PCDHGB1: variants seen among roughly 807,000 people sequenced by gnomAD.
PCDHGB1 encodes the protein protocadherin gamma subfamily B, 1, also known as protocadherin gamma-B1.
PCDHGB1 carries 34 observed loss-of-function variants against 56.6 expected under a neutral mutation model. The observed-to-expected ratio is 0.60, with a 90% CI of 0.46 to 0.80. The LOEUF (loss-of-function observed/expected upper bound fraction) is 0.80, where lower values mean the gene tolerates loss of function less well. Ranked by LOEUF, PCDHGB1 falls within the 30% of genes least tolerant of loss-of-function variation. The pLI is 0.00. For synonymous variants in PCDHGB1, 561 were observed against 505.9 expected, an observed-to-expected ratio of 1.11 and a Z score of -1.46; for missense variants, 1,278 against 1,204.6, an observed-to-expected ratio of 1.06 and a Z score of -0.90.
Position 141,352,573 on chromosome 5 carries a change from TC to T in PCDHGB1, c.2318del (p.Pro773LeufsTer74). ...NSLNLTPEMA[P>X]PQDLLCDDPS... ...CTCTCAACCTGACACCGGAAATGGC[TC>T]CCCCTCAGGATCTGCTGTGTGATGA... On this transcript the variant is annotated frameshift_variant, in exon 1 of 4. Transcript: ENST00000523390. LOFTEE classifies it high-confidence loss of function. The T allele has an allele frequency of 1.2e-6, 2 of 1,613,874 alleles. No homozygotes were observed. Among genetic ancestry groups the T allele is most frequent in the Non-Finnish European group, 8.5e-7 (1 of 1,179,862 alleles).
rs61612330 is a variant in PCDHGB1 at position 141,454,796 on chromosome 5, A to ATTTTTTTTTTTTTTTT, written c.2410-39997_2410-39982dup. Among the ~76,000 whole-genome samples the ATTTTTTTTTTTTTTTT allele has an allele frequency of 1.2e-3, 96 of 77,456 alleles. 8 individuals are homozygous for ATTTTTTTTTTTTTTTT. The highest frequency in any genetic ancestry group is 2.0e-3 in the South Asian group (4 of 1,960). 50.8% of individuals were successfully genotyped at this position (77,456 alleles called of 152,430 possible). A position where few individuals can be genotyped will look rare whatever the true frequency, so the allele number is the denominator to read the frequency against. ...AAGGAAATAATCCTCCATGGTTCTA[A>ATTTTTTTTTTTTTTTT]TTTTTTTTTTTTTTTTTTTTTTTTT... On this transcript the variant is annotated intron_variant, in intron 1 of 3. Coordinates refer to ENST00000523390, the MANE Select transcript of PCDHGB1 (RefSeq NM_018922.3).
At position 141,379,535 on chromosome 5, in the gene PCDHGB1, G is replaced by A. The variant is rs1035667412; in HGVS notation, c.2409+26866G>A. On this transcript the variant is annotated intron_variant, in intron 1 of 3. Coordinates refer to ENST00000523390, the MANE Select transcript of PCDHGB1 (RefSeq NM_018922.3). ...ACATCTTGAGCATTTGTTGTTATAGGGAAAGCTCACTAACTACTTTTCATG... is the reference window on the plus strand; with the variant it reads ...ACATCTTGAGCATTTGTTGTTATAGAGAAAGCTCACTAACTACTTTTCATG... 103 of 152,098 alleles carry A rather than the reference G, an allele frequency of 6.8e-4. 1 individual carries two copies. Among genetic ancestry groups the A allele is most frequent in the African/African-American group, 2.4e-3 (101 of 41,410 alleles). 9.4% of individuals were successfully genotyped at this position (152,098 alleles called of 1,614,324 possible).
intron 1 of PCDHGB1, chr5:141,364,163 A>G (rs1042010311): frequency 7.4e-6 from 5 of 674,008 alleles, no homozygotes; most frequent in African/African-American, 1.9e-5. Context: ...CGCAGAGGCG[A>G]CCCGACTCTG....
Position 141,351,345 on chromosome 5 carries a change from T to C in PCDHGB1, c.1085T>C (p.Ile362Thr), listed in dbSNP as rs768098006. The change falls in exon 1 of 4, where the codon ATA (isoleucine) becomes ACA (threonine). Residue 362 changes from isoleucine (I) to threonine (T), a missense_variant. By Grantham distance (89) the Ile-to-Thr change is moderately conservative (BLOSUM62 -1). Transcript: ENST00000523390. ...IPEDSDLGTV[I>T]ALIKVRDKDS... ...GAGGATTCAGACCTTGGAACTGTAA[T>C]AGCCCTCATAAAAGTGCGAGACAAG... The C allele has an allele frequency of 6.8e-6, 11 of 1,613,492 alleles. No individual in the cohort carries two copies. The highest frequency in any genetic ancestry group is 8.5e-6 in the Non-Finnish European group (10 of 1,179,632).
At position 141,431,321 on chromosome 5, in the gene PCDHGB1, G is replaced by T. The variant is rs112186927; in HGVS notation, c.2410-63486G>T. 1,258 of 1,614,054 alleles carry T rather than the reference G, an allele frequency of 7.8e-4. 11 individuals are homozygous for T. In the African/African-American group the frequency reaches 0.014, roughly 18 times the overall value. Reference sequence around the variant, plus strand: ...CCTCATCGTGCAAAATGGAGCCGACGGTAGTAAGTACCCCGAATTGGTGCT... The same window carrying T: ...CCTCATCGTGCAAAATGGAGCCGACTGTAGTAAGTACCCCGAATTGGTGCT... On this transcript the variant is annotated intron_variant, in intron 1 of 3. Transcript: ENST00000523390. This position sits in a 1 kb window ranked among gnomAD's most constrained non-coding sequence, Gnocchi z 4.8.
intron 1 of PCDHGB1, among the ~76,000 whole-genome samples, chr5:141,357,912 G>A (rs1028672108): frequency 6.6e-6 from 1 of 152,134 alleles, no homozygotes; most frequent in African/African-American, 2.4e-5. Flanking sequence ...TTTCTGTGCT[G>A]GGTGTGGTGG....
intron 1 of PCDHGB1, among the ~76,000 whole-genome samples, chr5:141,406,629 A>G (rs2094832755): frequency 6.6e-6 from 1 of 152,188 alleles, no homozygotes; most frequent in Non-Finnish European, 1.5e-5. Context: ...TCATATCTTC[A>G]AAGGTCTTAA....
At position 141,487,934 on chromosome 5, in the gene PCDHGB1, C is replaced by G; in HGVS notation, c.2410-6873C>G. 4.9e-6 allele frequency: 3 copies of G among 607,674 alleles called. No individual in the cohort carries two copies. Among genetic ancestry groups the G allele is most frequent in the Non-Finnish European group, 5.8e-6 (2 of 347,576 alleles). The allele number at this position is 607,674 out of a possible 1,614,324, so 37.6% of individuals were successfully genotyped here. A position where few individuals can be genotyped will look rare whatever the true frequency, so the allele number is the denominator to read the frequency against. On this transcript the variant is annotated intron_variant, in intron 1 of 3. Transcript: ENST00000523390. The surrounding 1 kb of genome is among the most constrained non-coding windows in gnomAD (Gnocchi z 5.0). ...ACAGGAGGCTACAGTGCACAGGGTA[C>G]AGTGCACCAGGCAGTCACTTGGACA... is the stretch of plus-strand genomic sequence containing the variant.
At position 141,476,581 on chromosome 5, in the gene PCDHGB1, G is replaced by A. The variant is rs1393235114; in HGVS notation, c.2410-18226G>A. The A allele has an allele frequency of 5.0e-6, 8 of 1,614,230 alleles. No individual in the cohort carries two copies. The highest frequency in any genetic ancestry group is 6.8e-6 in the Non-Finnish European group (8 of 1,180,042). ...CCGTGGCTCCGGGGACGCGCTTTCC[G>A]CTCGAGAGCGCGCACGATCCCGATG... On this transcript the variant is annotated intron_variant, in intron 1 of 3. Transcript: ENST00000523390. This position sits in a 1 kb window ranked among gnomAD's most constrained non-coding sequence, Gnocchi z 7.6.
intron 1 of PCDHGB1, chr5:141,355,598 T>G (rs749684792): frequency 6.2e-7 from 1 of 1,613,952 alleles, no homozygotes; most frequent in Non-Finnish European, 8.5e-7. Flanking sequence ...CCACCCAGTT[T>G]TGGGACAGAA....
At chr5:141,400,237 A>AT in intron 1 of PCDHGB1, 3 of 1,613,870 alleles carry the variant, frequency 1.9e-6, no homozygotes, top group Non-Finnish European at 2.5e-6. Flanking sequence ...CCTGGCCGTG[A>AT]TTCTGGCCGT....
At position 141,432,319 on chromosome 5, in the gene PCDHGB1, C is replaced by A; in HGVS notation, c.2410-62488C>A. The A allele has an allele frequency of 6.2e-7, 1 of 1,614,264 alleles. No individual in the cohort carries two copies. Among genetic ancestry groups the A allele is most frequent in the South Asian group, 1.1e-5 (1 of 91,088 alleles). ...GGGTACTGTATGCGCTGAGCTCCTTCGACTACGAGCAGTTCCGAGACTTGC... is the reference window on the plus strand; with the variant it reads ...GGGTACTGTATGCGCTGAGCTCCTTAGACTACGAGCAGTTCCGAGACTTGC... On this transcript the variant is annotated intron_variant, in intron 1 of 3. Transcript: ENST00000523390. The surrounding 1 kb of genome is among the most constrained non-coding windows in gnomAD (Gnocchi z 6.0).
intron 1 of PCDHGB1, among the ~76,000 whole-genome samples, chr5:141,368,280 A>G (rs778182605): frequency 2.6e-5 from 4 of 152,160 alleles, no homozygotes; most frequent in African/African-American, 7.2e-5. Context: ...ACCTAAGACC[A>G]CTTGATTTTT....
chr5:141,405,108 G>A, intron 1 of PCDHGB1: 1 of 1,613,960 alleles, frequency 6.2e-7, no homozygotes, highest in Non-Finnish European at 8.5e-7. Flanking sequence ...CTGAGGCACT[G>A]GCACTCCTCG....
chr5:141,437,030 A>G (rs1246601314), intron 1 of PCDHGB1, among the ~76,000 whole-genome samples: 1 of 152,248 alleles, frequency 6.6e-6, no homozygotes, highest in Non-Finnish European at 1.5e-5. Context: ...CAGAAAATGG[A>G]TCACCGAAAC....
chr5:141,360,926 T>C, intron 1 of PCDHGB1: 1 of 1,613,986 alleles, frequency 6.2e-7, no homozygotes, highest in Non-Finnish European at 8.5e-7. Flanking sequence ...GTGCTTCAAG[T>C]GACAGCCACC....
chr5:141,423,174 C>T (rs1203454000), intron 1 of PCDHGB1: 1 of 1,613,484 alleles, frequency 6.2e-7, no homozygotes, highest in South Asian at 1.1e-5. Flanking sequence ...CCGTCCAGGA[C>T]CACGGCCAGC....
intron 1 of PCDHGB1, chr5:141,399,515 C>T (rs748098945): frequency 6.2e-7 from 1 of 1,614,040 alleles, no homozygotes; most frequent in African/African-American, 1.3e-5. Context: ...AACAACCCTC[C>T]TGGGGCCTCC....
chr5:141,414,843 G>T (rs2095794241), intron 1 of PCDHGB1: 1 of 1,614,100 alleles, frequency 6.2e-7, no homozygotes, highest in Admixed American at 1.7e-5. Context: ...GCCTGTTTGT[G>T]CTGGACCAGA....
Sources: allele counts gnomAD v4.1 joint callset (sites outside exome capture counted in the v4.1 genomes callset), GRCh38; gene constraint gnomAD v4.1.1; non-coding constraint Gnocchi (gnomAD v3.1); transcripts MANE v1.5; gene names NCBI Gene and HGNC (gene_info 2026-07-23, HGNC 2026-07-21).